The following ATP10B variants were observed in gnomAD, a reference collection of about 807,000 sequenced individuals.
ATP10B encodes phospholipid-transporting ATPase VB.
ATP10B carries 122 observed loss-of-function variants against 141.2 expected under a neutral mutation model. The observed-to-expected ratio is 0.86, with a 90% confidence interval of 0.75 to 1.00. ATP10B has a LOEUF of 1.00. Ranked by LOEUF, ATP10B falls within the 50% of genes least tolerant of loss-of-function variation. The pLI is 0.00. For missense variants in ATP10B, 1,876 were observed against 1,825.3 expected, an observed-to-expected ratio of 1.03 and a Z score of -0.51; for synonymous variants, 685 against 692.0, an observed-to-expected ratio of 0.99 and a Z score of 0.16.
At chr5:160,666,054 A>T (rs1421958) in intron 7 of ATP10B, among the ~76,000 whole-genome samples, 2 of 152,058 alleles carry the variant, frequency 1.3e-5, no homozygotes, top group Non-Finnish European at 2.9e-5. Context: ...TCCCATGGTG[A>T]TCTTAGGCTT....
chr5:160,576,208 A>G (rs1040610649), intron 24 of ATP10B, among the ~76,000 whole-genome samples: 1 of 152,132 alleles, frequency 6.6e-6, no homozygotes, highest in South Asian at 2.1e-4. Flanking sequence ...TCTGCTCTGG[A>G]TTGTGTATCA....
chr5:160,708,297 C>T (rs536215946), intron 3 of ATP10B, among the ~76,000 whole-genome samples: 77 of 152,274 alleles, frequency 5.1e-4, no homozygotes, highest in African/African-American at 1.7e-3. Flanking sequence ...TTAACACGTG[C>T]AGGTAGCTAC....
In ATP10B at chr5:160,697,693, A is replaced by G. The variant is rs780927100; in HGVS notation, c.-204-8750T>C. Among the ~76,000 whole-genome samples, 42 of 152,196 alleles carry G rather than the reference A, an allele frequency of 2.8e-4. 1 individual carries two copies. Among genetic ancestry groups the G allele is most frequent in the Admixed American group, 6.5e-4 (10 of 15,268 alleles). On this transcript the variant is annotated intron_variant, in intron 3 of 25. Transcript: ENST00000327245. ...AAAGAAATAGCAACCACCTAAAATAAAATTAATGAAAGGATGCAGTTCTGT... is the reference window on the plus strand; with the variant it reads ...AAAGAAATAGCAACCACCTAAAATAGAATTAATGAAAGGATGCAGTTCTGT...
At chr5:160,608,557 G>T (rs937187916) in intron 18 of ATP10B, among the ~76,000 whole-genome samples, 1 of 152,148 alleles carries the variant, frequency 6.6e-6, no homozygotes, top group South Asian at 2.1e-4. Context: ...TAGTGTAAAA[G>T]CATTCCAAAT....
intron 1 of ATP10B, among the ~76,000 whole-genome samples, chr5:160,843,220 T>C (rs1775913711): frequency 6.6e-6 from 1 of 152,106 alleles, no homozygotes; most frequent in African/African-American, 2.4e-5. Flanking sequence ...ATAAGTCATA[T>C]AATCACTTCA....
chr5:160,926,799 C>T, the ATP10B span, among the ~76,000 whole-genome samples: 3 of 152,216 alleles, frequency 2.0e-5, no homozygotes, highest in Non-Finnish European at 2.9e-5. Flanking sequence ...AAAAAGAAAT[C>T]CTGCCTAGAA....
At chr5:160,683,137 C>G (rs1203839694) in intron 6 of ATP10B, among the ~76,000 whole-genome samples, 5 of 151,898 alleles carry the variant, frequency 3.3e-5, no homozygotes, top group African/African-American at 1.2e-4. Context: ...AGGCATCACA[C>G]CCCAGCAGTG....
At chr5:160,748,212 G>A (rs1767938134) in intron 2 of ATP10B, among the ~76,000 whole-genome samples, 1 of 152,138 alleles carries the variant, frequency 6.6e-6, no homozygotes, top group Admixed American at 6.5e-5. Flanking sequence ...GTGTGAATTG[G>A]CCCAGACACC....
intron 1 of ATP10B, among the ~76,000 whole-genome samples, chr5:160,816,140 G>C (rs985922411): frequency 2.0e-5 from 3 of 148,708 alleles, no homozygotes; most frequent in Non-Finnish European, 3.0e-5. Context: ...AAAGCTAGCA[G>C]AAGGCAAGAA....
chr5:160,616,277 A>G (rs1386450508), intron 16 of ATP10B, among the ~76,000 whole-genome samples: 1 of 152,144 alleles, frequency 6.6e-6, no homozygotes, highest in Non-Finnish European at 1.5e-5. Flanking sequence ...TAAAATAGTT[A>G]TTTCAGGGAA....
intron 1 of ATP10B, among the ~76,000 whole-genome samples, chr5:160,807,414 G>C (rs925821052): frequency 1.3e-5 from 2 of 152,146 alleles, no homozygotes; most frequent in Non-Finnish European, 2.9e-5. Flanking sequence ...GCTGTGCTTT[G>C]AGATGCTGAG....
chr5:160,870,693 A>G, the ATP10B span, among the ~76,000 whole-genome samples: 3 of 152,076 alleles, frequency 2.0e-5, no homozygotes, highest in Non-Finnish European at 4.4e-5. Flanking sequence ...AATTAATGTC[A>G]GACACAAAGC....
the ATP10B span, among the ~76,000 whole-genome samples, chr5:160,916,306 T>A: frequency 6.6e-6 from 1 of 152,234 alleles, no homozygotes; most frequent in Non-Finnish European, 1.5e-5. Context: ...TTTGCTGAAC[T>A]TTATTAATTT....
chr5:160,685,695 C>T (rs1293987823), intron 6 of ATP10B, among the ~76,000 whole-genome samples: 1 of 152,186 alleles, frequency 6.6e-6, no homozygotes, highest in Non-Finnish European at 1.5e-5. Flanking sequence ...TTTCAACTCA[C>T]CTTTAATAAT....
intron 1 of ATP10B, among the ~76,000 whole-genome samples, chr5:160,805,898 C>T (rs751689836): frequency 6.6e-6 from 1 of 152,174 alleles, no homozygotes; most frequent in Non-Finnish European, 1.5e-5. Flanking sequence ...AGAGGTCCTG[C>T]AATCTGTCAT....
chr5:160,887,876 ACT>A, the ATP10B span, among the ~76,000 whole-genome samples: 3 of 151,150 alleles, frequency 2.0e-5, no homozygotes, highest in Admixed American at 6.6e-5. Context: ...TTCTTACCCA[ACT>A]CTCTTCTTTT....
At chr5:160,905,280 G>A in the ATP10B span, among the ~76,000 whole-genome samples, 5 of 152,170 alleles carry the variant, frequency 3.3e-5, no homozygotes, top group Non-Finnish European at 7.3e-5. Context: ...AGGTAAGGAG[G>A]ATTTAATTTA....
chr5:160,861,052 C>T, the ATP10B span, among the ~76,000 whole-genome samples: 2 of 151,866 alleles, frequency 1.3e-5, no homozygotes, highest in African/African-American at 4.8e-5. Flanking sequence ...CTTTACTTTG[C>T]TCTTTAGGAT....
At chr5:160,658,870 T>C (rs1761693470) in intron 7 of ATP10B, among the ~76,000 whole-genome samples, 1 of 152,182 alleles carries the variant, frequency 6.6e-6, no homozygotes. Flanking sequence ...ACCCACCCCA[T>C]ATTTTTCTAA....
Sources: gnomAD v4.1 joint callset for allele counts (sites outside exome capture counted in the v4.1 genomes callset) on GRCh38, gnomAD v4.1.1 for gene constraint, MANE v1.5 for transcripts, NCBI Gene and HGNC (gene_info 2026-07-23, HGNC 2026-07-21) for gene names.